The following RORA variants were observed in gnomAD, a reference collection of about 807,000 sequenced individuals.
The protein encoded by RORA is RAR related orphan receptor A.
In RORA, 7 loss-of-function variants were observed where a neutral mutation model predicts 69.5. The ratio of observed to expected loss-of-function variants is 0.10; its 90% confidence interval spans 0.06 to 0.19. The LOEUF (loss-of-function observed/expected upper bound fraction) is 0.19, where lower values mean the gene tolerates loss of function less well. Among genes scored for constraint, RORA ranks in the 10% least tolerant of loss-of-function variants. The pLI is 1.00. For synonymous variants in RORA, 261 were observed against 240.8 expected, an observed-to-expected ratio of 1.08 and a Z score of -0.78; for missense variants, 457 against 663.0, an observed-to-expected ratio of 0.69 and a Z score of 3.41.
At chr15:60,738,427 G>A (rs2071531041) in intron 1 of RORA, among the ~76,000 whole-genome samples, 1 of 152,158 alleles carries the variant, frequency 6.6e-6, no homozygotes, top group African/African-American at 2.4e-5. Flanking sequence ...AGGATGTAGG[G>A]GCCACTCACC....
chr15:61,050,803 T>C (rs1897255410), intron 1 of RORA, among the ~76,000 whole-genome samples: 1 of 152,188 alleles, frequency 6.6e-6, no homozygotes, highest in Non-Finnish European at 1.5e-5. Flanking sequence ...TTAATTCTTA[T>C]CATAATGAAT....
At chr15:61,220,564 A>C (rs2080086095) in intron 1 of RORA, among the ~76,000 whole-genome samples, 1 of 152,180 alleles carries the variant, frequency 6.6e-6, no homozygotes, top group African/African-American at 2.4e-5. Context: ...GGGCGGAATC[A>C]CATCTGGTTG....
chr15:60,747,824 C>T (rs144115479), intron 1 of RORA, among the ~76,000 whole-genome samples: 1 of 152,064 alleles, frequency 6.6e-6, no homozygotes, highest in African/African-American at 2.4e-5. Flanking sequence ...TTCTACGCCT[C>T]TATTTTAGGG....
intron 2 of RORA, among the ~76,000 whole-genome samples, chr15:60,669,054 T>C (rs1347325643): frequency 1.3e-5 from 2 of 152,202 alleles, no homozygotes; most frequent in East Asian, 1.9e-4. Context: ...TTTAAAAGGG[T>C]TGGAAAGACA....
At chr15:60,851,870 G>A (rs758644225) in intron 1 of RORA, among the ~76,000 whole-genome samples, 5 of 151,904 alleles carry the variant, frequency 3.3e-5, no homozygotes, top group Admixed American at 6.6e-5. Flanking sequence ...CTTTTCTTCC[G>A]GATCACTGGA....
intron 1 of RORA, among the ~76,000 whole-genome samples, chr15:61,002,975 C>CAAAAAAAAAAA (rs59966691): frequency 8.5e-6 from 1 of 116,966 alleles, no homozygotes; most frequent in African/African-American, 3.2e-5. Context: ...ACTAAAAATA[C>CAAAAAAAAAAA]AAAAAAAAAA....
chr15:61,077,716 T>C (rs753290838), intron 1 of RORA, among the ~76,000 whole-genome samples: 1 of 152,184 alleles, frequency 6.6e-6, no homozygotes, highest in Non-Finnish European at 1.5e-5. Flanking sequence ...CTCTGTGCTG[T>C]TAGGTCCCTA....
In RORA at chr15:60,497,248, A is replaced by G; in HGVS notation, c.*207T>C. ...AAAAGGGTCCATATCTGTAGGCATA[A>G]TGGAAATCATATGCATGAGAAAAAC... On this transcript the variant is annotated 3_prime_UTR_variant, in exon 11 of 11. Transcript: ENST00000335670. 1.9e-6 allele frequency: 1 copy of G among 527,518 alleles called. No individual in the cohort carries two copies. The highest frequency in any genetic ancestry group is 3.1e-5 in the East Asian group (1 of 32,624). 32.7% of individuals were successfully genotyped at this position (527,518 alleles called of 1,614,324 possible).
intron 1 of RORA, chr15:60,848,566 T>C: frequency 6.6e-6 from 1 of 152,256 alleles, no homozygotes; most frequent in East Asian, 1.9e-4. Context: ...TTTCTCACAT[T>C]GCTACAGAGA....
At chr15:60,717,353 G>A (rs908455696) in intron 1 of RORA, among the ~76,000 whole-genome samples, 80 of 152,192 alleles carry the variant, frequency 5.3e-4, no homozygotes, top group African/African-American at 1.9e-3. Flanking sequence ...ACCCAGAACA[G>A]TGCCTTGTAC....
chr15:61,199,896 C>T (rs1158370856), intron 1 of RORA, among the ~76,000 whole-genome samples: 5 of 152,138 alleles, frequency 3.3e-5, no homozygotes, highest in African/African-American at 1.2e-4. Context: ...GCCGTGCTGT[C>T]GGGGACTGGG....
chr15:60,995,375 C>T (rs1894502741), intron 1 of RORA, among the ~76,000 whole-genome samples: 1 of 152,142 alleles, frequency 6.6e-6, no homozygotes, highest in South Asian at 2.1e-4. Flanking sequence ...TCTCGGCCAG[C>T]GCGAGGCCTC....
At chr15:60,837,999 A>G (rs1164393839) in intron 1 of RORA, among the ~76,000 whole-genome samples, 8 of 152,112 alleles carry the variant, frequency 5.3e-5, no homozygotes, top group Admixed American at 3.9e-4. Context: ...TTTAGAAATG[A>G]ACAACCCGGC....
intron 2 of RORA, among the ~76,000 whole-genome samples, chr15:60,662,049 A>T (rs1312701132): frequency 5.9e-5 from 9 of 152,236 alleles, no homozygotes; most frequent in Admixed American, 5.9e-4. Flanking sequence ...TAGAAGAAAA[A>T]TGGAAGTCAG....
intron 1 of RORA, among the ~76,000 whole-genome samples, chr15:60,864,411 T>C (rs1451604656): frequency 6.6e-6 from 1 of 152,118 alleles, no homozygotes; most frequent in African/African-American, 2.4e-5. Context: ...TTATTGGCCA[T>C]AATTTTTCAC....
intron 1 of RORA, among the ~76,000 whole-genome samples, chr15:60,696,579 G>A (rs756112817): frequency 5.3e-5 from 8 of 151,742 alleles, no homozygotes; most frequent in African/African-American, 7.3e-5. Flanking sequence ...CACCACATAC[G>A]CCTTTGACAG....
chr15:60,980,884 T>C (rs908956668), intron 1 of RORA, among the ~76,000 whole-genome samples: 7 of 152,070 alleles, frequency 4.6e-5, no homozygotes, highest in African/African-American at 1.4e-4. Context: ...CTCTAATCTT[T>C]ATTATTCTTT....
intron 1 of RORA, among the ~76,000 whole-genome samples, chr15:61,040,140 AT>A (rs1168473742): frequency 1.7e-5 from 2 of 118,170 alleles, no homozygotes; most frequent in African/African-American, 6.1e-5. Context: ...ATATATATAT[AT>A]ATATATATAT....
At chr15:60,627,361 G>A in intron 2 of RORA, 1 of 1,614,166 alleles carries the variant, frequency 6.2e-7, no homozygotes, top group Non-Finnish European at 8.5e-7. Flanking sequence ...GTCTCCTGGG[G>A]CCCCCTCATT....
Sources: gnomAD v4.1 joint callset for allele counts (sites outside exome capture counted in the v4.1 genomes callset) on GRCh38, gnomAD v4.1.1 for gene constraint, MANE v1.5 for transcripts, NCBI Gene and HGNC (gene_info 2026-07-23, HGNC 2026-07-21) for gene names.